The following MEGF11 variants were observed in gnomAD, a reference collection of about 807,000 sequenced individuals.
MEGF11 encodes multiple EGF like domains 11.
A neutral mutation model predicts 146.6 loss-of-function variants in MEGF11; 126 were observed. That is an observed-to-expected ratio of 0.86 (90% CI 0.74 to 1.00). MEGF11 has a LOEUF of 1.00. MEGF11 is among the 50% of genes least tolerant of loss of function. The pLI, the probability that MEGF11 is intolerant of heterozygous loss-of-function variation, is 0.00. For synonymous variants in MEGF11, 532 were observed against 583.4 expected (o/e 0.91, Z 1.27); for missense variants, 1,509 against 1,521.2 (o/e 0.99, Z 0.13).
At chr15:66,183,553 A>G (rs1397740549) in intron 1 of MEGF11, among the ~76,000 whole-genome samples, 4 of 151,984 alleles carry the variant, frequency 2.6e-5, no homozygotes, top group Non-Finnish European at 4.4e-5. Context: ...AAAAAAAAAA[A>G]AAGAAAACGG....
intron 10 of MEGF11, 86 bp downstream of exon 10, chr15:65,957,461 G>T: frequency 7.5e-7 from 1 of 1,329,410 alleles, no homozygotes. Context: ...GCTGGGTGCA[G>T]GGCCACAGTC....
chr15:66,038,576 GGGC>G (rs1288923508), intron 5 of MEGF11, among the ~76,000 whole-genome samples: 8 of 152,152 alleles, frequency 5.3e-5, no homozygotes, highest in Non-Finnish European at 7.3e-5. Flanking sequence ...ATAAAAACAT[GGGC>G]GGTGTGCCAG....
At chr15:66,116,729 G>A (rs1597099291) in intron 4 of MEGF11, among the ~76,000 whole-genome samples, 1 of 152,146 alleles carries the variant, frequency 6.6e-6, no homozygotes, top group African/African-American at 2.4e-5. Context: ...GGGCCTCTTT[G>A]AGCAACTAAA....
At chr15:66,111,162 C>T (rs2087379770) in intron 4 of MEGF11, among the ~76,000 whole-genome samples, 1 of 152,238 alleles carries the variant, frequency 6.6e-6, no homozygotes, top group Admixed American at 6.5e-5. Context: ...CAATAATGCT[C>T]ACTTCTCCAG....
chr15:66,229,327 G>A (rs1032930287), intron 1 of MEGF11, among the ~76,000 whole-genome samples: 4 of 152,038 alleles, frequency 2.6e-5, no homozygotes, highest in African/African-American at 9.7e-5. Flanking sequence ...ACAAGCCCCA[G>A]GCTCCCGGTG....
chr15:66,111,678 C>T (rs1323527104), intron 4 of MEGF11, among the ~76,000 whole-genome samples: 2 of 152,106 alleles, frequency 1.3e-5, no homozygotes, highest in Non-Finnish European at 2.9e-5. Flanking sequence ...ACCCACCAAC[C>T]TAGAGATAAA....
chr15:66,207,286 C>A (rs1172125652), intron 1 of MEGF11, among the ~76,000 whole-genome samples: 1 of 152,186 alleles, frequency 6.6e-6, no homozygotes, highest in Non-Finnish European at 1.5e-5. Context: ...AAGACCAACA[C>A]AGACTCTTGA....
At chr15:66,150,113 C>G (rs972655824) in intron 1 of MEGF11, among the ~76,000 whole-genome samples, 8 of 152,230 alleles carry the variant, frequency 5.3e-5, no homozygotes, top group African/African-American at 1.2e-4. Flanking sequence ...GCCGGCTCCC[C>G]CTTTCATGTG....
chr15:66,062,987 G>C (rs2084967568), intron 5 of MEGF11, among the ~76,000 whole-genome samples: 1 of 152,242 alleles, frequency 6.6e-6, no homozygotes, highest in African/African-American at 2.4e-5. Context: ...TTATGGAAAA[G>C]AGTGTTTTCA....
intron 5 of MEGF11, among the ~76,000 whole-genome samples, chr15:66,027,078 C>T (rs1478101238): frequency 2.0e-5 from 3 of 152,212 alleles, no homozygotes; most frequent in African/African-American, 7.2e-5. Context: ...TCCTGAAATC[C>T]AGTGGGCACT....
At chr15:65,905,964 A>T in intron 24 of MEGF11, 121 bp downstream of exon 24, 1 of 735,068 alleles carries the variant, frequency 1.4e-6, no homozygotes, top group Non-Finnish European at 2.2e-6. Context: ...GTGGTCTTTT[A>T]ACCTTCTGTG....
chr15:66,166,822 C>A (rs770745155), intron 1 of MEGF11, among the ~76,000 whole-genome samples: 27 of 152,088 alleles, frequency 1.8e-4, no homozygotes, highest in Non-Finnish European at 2.6e-4. Flanking sequence ...CCCTGGCACG[C>A]CACCTGGCAC....
chr15:66,051,742 C>CA (rs1021159761), intron 5 of MEGF11, among the ~76,000 whole-genome samples: 1 of 152,114 alleles, frequency 6.6e-6, no homozygotes, highest in African/African-American at 2.4e-5. Flanking sequence ...GCTTAGAACT[C>CA]AGAGGGGAGG....
At chr15:66,224,177 C>G (rs1021579883) in intron 1 of MEGF11, among the ~76,000 whole-genome samples, 1 of 152,234 alleles carries the variant, frequency 6.6e-6, no homozygotes, top group Non-Finnish European at 1.5e-5. Context: ...GGACAAGTTC[C>G]TTCACCTCTC....
At chr15:65,977,695 T>A (rs1396107640) in intron 7 of MEGF11, among the ~76,000 whole-genome samples, 1 of 151,978 alleles carries the variant, frequency 6.6e-6, no homozygotes, top group Admixed American at 6.6e-5. Flanking sequence ...AAACCTCTCT[T>A]TGGCCCTCTA....
chr15:65,981,483 A>T (rs144136498), intron 6 of MEGF11, among the ~76,000 whole-genome samples: 51 of 152,160 alleles, frequency 3.4e-4, no homozygotes, highest in Non-Finnish European at 5.7e-4. Flanking sequence ...CCTGGCCTCT[A>T]GCTCACTAGG....
intron 7 of MEGF11, among the ~76,000 whole-genome samples, chr15:65,980,557 C>A (rs1411776599): frequency 1.3e-5 from 2 of 152,088 alleles, no homozygotes; most frequent in African/African-American, 4.8e-5. Context: ...TGACACAACG[C>A]CTGGCTAATT....
chr15:65,899,180 T>G (rs1399049204), intron 24 of MEGF11, among the ~76,000 whole-genome samples: 3 of 152,230 alleles, frequency 2.0e-5, no homozygotes, highest in Non-Finnish European at 4.4e-5. Flanking sequence ...AGTTGGGTAT[T>G]AATTCAAGAT....
chr15:66,073,431 T>C (rs183339247), intron 5 of MEGF11, among the ~76,000 whole-genome samples: 86 of 152,308 alleles, frequency 5.6e-4, no homozygotes, highest in African/African-American at 2.1e-3. Context: ...TAGACCCACC[T>C]CTTCACTCCA....
Sources: gnomAD v4.1 joint callset for allele counts (sites outside exome capture counted in the v4.1 genomes callset) on GRCh38, gnomAD v4.1.1 for gene constraint, MANE v1.5 for transcripts, NCBI Gene and HGNC (gene_info 2026-07-23, HGNC 2026-07-21) for gene names.